The following DEFA3 variants were observed in gnomAD, a reference collection of about 807,000 sequenced individuals.
DEFA3 encodes the protein neutrophil defensin 3.
For missense variants in DEFA3, 8 were observed against 128.1 expected (o/e 0.06, Z 4.53); for synonymous variants, 3 against 47.2 (o/e 0.06, Z 3.84).
intron 1 of DEFA3, among the ~76,000 whole-genome samples, chr8:7,017,858 G>A (rs1811043919): frequency 6.6e-6 from 1 of 152,218 alleles, no homozygotes; most frequent in Non-Finnish European, 1.5e-5. Flanking sequence ...CATGGCAGAA[G>A]GGGCAAATAT....
intron 2 of DEFA3, among the ~76,000 whole-genome samples, chr8:7,016,348 C>T (rs551423042): frequency 3.2e-3 from 482 of 150,022 alleles, no homozygotes; most frequent in Non-Finnish European, 4.7e-3. Context: ...TACCCTCAGG[C>T]TTGGCTGCAG....
rs759948149 is a variant in DEFA3 at position 7,016,030 on chromosome 8, G to A, written c.245C>T (p.Thr82Ile). 14 of 1,526,462 alleles carry A rather than the reference G, an allele frequency of 9.2e-6. No homozygotes were observed. Among genetic ancestry groups the A allele is most frequent in the South Asian group, 4.6e-5 (4 of 87,708 alleles). 94.6% of individuals were successfully genotyped at this position (1,526,462 alleles called of 1,614,324 possible). A position where few individuals can be genotyped will look rare whatever the true frequency, so the allele number is the denominator to read the frequency against. ...CCAGAGTCTTCCCTGGTAGATGCAG[G>A]TTCCATAGCGACGTTCTCCTGCAAT... is the stretch of plus-strand genomic sequence containing the variant. ...ACIAGERRYG[T>I]CIYQGRLWAF... Residue 82 changes from threonine to isoleucine, a missense_variant, in exon 3 of 3, where the codon ACC becomes ATC. Transcript: ENST00000327857.
intron 1 of DEFA3, among the ~76,000 whole-genome samples, chr8:7,017,787 G>C (rs1164908284): frequency 6.6e-6 from 1 of 151,908 alleles, no homozygotes; most frequent in Non-Finnish European, 1.5e-5. Context: ...CACAGCAAAG[G>C]AAACAATCAA....
Position 7,016,038 on chromosome 8 carries a change from G to A in DEFA3, c.237C>T (p.Arg79=). The A allele has an allele frequency of 1.3e-6, 2 of 1,514,990 alleles. No homozygotes were observed. The highest frequency in any genetic ancestry group is 1.8e-6 in the Non-Finnish European group (2 of 1,104,994). The allele number at this position is 1,514,990 out of a possible 1,614,324, so 93.8% of individuals were successfully genotyped here. A position where few individuals can be genotyped will look rare whatever the true frequency, so the allele number is the denominator to read the frequency against. Residue 79 remains arginine (R), a synonymous_variant, in exon 3 of 3, where the codon CGC becomes CGT. Coordinates refer to ENST00000327857, the MANE Select transcript of DEFA3 (RefSeq NM_005217.4). Reference sequence around the variant, plus strand: ...TTCCCTGGTAGATGCAGGTTCCATAGCGACGTTCTCCTGCAATGCACGCTG... The same window carrying A: ...TTCCCTGGTAGATGCAGGTTCCATAACGACGTTCTCCTGCAATGCACGCTG... ...RIPACIAGER[R]YGTCIYQGRL... is the part of the protein sequence containing the mutation.
At chr8:7,017,932 A>C (rs867149889) in intron 1 of DEFA3, among the ~76,000 whole-genome samples, 145 of 151,940 alleles carry the variant, frequency 9.5e-4, no homozygotes, top group Middle Eastern at 6.8e-3. Flanking sequence ...TGAAAGACAG[A>C]CCAAGGACCT....
At chr8:7,016,344 C>T (rs200403946) in intron 2 of DEFA3, among the ~76,000 whole-genome samples, 1,825 of 139,316 alleles carry the variant, frequency 0.013, no homozygotes, top group Admixed American at 0.027. Context: ...AACATACCCT[C>T]AGGCTTGGCT....
intron 2 of DEFA3, among the ~76,000 whole-genome samples, chr8:7,016,463 A>G (rs1310176694): frequency 2.0e-5 from 3 of 146,542 alleles, no homozygotes; most frequent in African/African-American, 7.8e-5. Context: ...AAACTTAGTG[A>G]ATTTCACAGA....
rs1463434708 is a variant in DEFA3, at chr8:7,018,233, C to A, written c.-24G>T. On this transcript the variant is annotated 5_prime_UTR_variant, in exon 1 of 3. Coordinates refer to ENST00000327857, the MANE Select transcript of DEFA3 (RefSeq NM_005217.4). The stretch of plus-strand genomic sequence containing the variant: ...TTTGTAGTACTTACAGATCCTCTAG[C>A]TAGGCAGGGTGACCAGAGAGGGCAG... 6.7e-6 allele frequency: 1 copy of A among 149,742 alleles called. No individual in the cohort carries two copies. Among genetic ancestry groups the A allele is most frequent in the Non-Finnish European group, 1.5e-5 (1 of 67,582 alleles). The allele number at this position is 149,742 out of a possible 1,614,324, so 9.3% of individuals were successfully genotyped here.
chr8:7,017,933 C>T (rs1228599628), intron 1 of DEFA3, among the ~76,000 whole-genome samples: 1 of 152,200 alleles, frequency 6.6e-6, no homozygotes, highest in Non-Finnish European at 1.5e-5. Context: ...GAAAGACAGA[C>T]CAAGGACCTA....
intron 2 of DEFA3, 111 bp downstream of exon 2, chr8:7,016,565 A>C: frequency 9.7e-7 from 1 of 1,028,876 alleles, no homozygotes; most frequent in Non-Finnish European, 1.4e-6. Context: ...CAATGCCCAG[A>C]GATTCTAAGT....
At chr8:7,016,305 G>T (rs1273611308) in intron 2 of DEFA3, among the ~76,000 whole-genome samples, 3 of 152,060 alleles carry the variant, frequency 2.0e-5, no homozygotes, top group Non-Finnish European at 4.4e-5. Flanking sequence ...TCTCATTTTT[G>T]CATTCCTGCC....
chr8:7,016,397 A>T (rs1354874469), intron 2 of DEFA3, among the ~76,000 whole-genome samples: 96 of 130,234 alleles, frequency 7.4e-4, no homozygotes, highest in African/African-American at 3.2e-3. Flanking sequence ...TGTTCTCTTT[A>T]CAACTAAGTC....
intron 1 of DEFA3, among the ~76,000 whole-genome samples, chr8:7,017,943 A>G (rs554019350): frequency 2.5e-3 from 374 of 152,308 alleles, no homozygotes; most frequent in Non-Finnish European, 4.1e-3. Flanking sequence ...CCAAGGACCT[A>G]AATAGGTTTC....
chr8:7,018,160 G>A (rs1353167132), intron 1 of DEFA3, 62 bp downstream of exon 1: 1 of 150,774 alleles, frequency 6.6e-6, no homozygotes, highest in African/African-American at 2.5e-5. Context: ...TCAGAGGTCA[G>A]ATTGGAGGCA....
chr8:7,017,183 A>AAT (rs1811011209), intron 1 of DEFA3, among the ~76,000 whole-genome samples: 1 of 121,342 alleles, frequency 8.2e-6, no homozygotes, highest in Non-Finnish European at 2.0e-5. Context: ...AAAGAATAGA[A>AAT]ATTGCACTTT....
intron 2 of DEFA3, among the ~76,000 whole-genome samples, 189 bp downstream of exon 2, chr8:7,016,487 C>G (rs1415281538): frequency 8.1e-4 from 120 of 147,714 alleles, no homozygotes; most frequent in Middle Eastern, 3.5e-3. Context: ...TTCTTGGAAT[C>G]AAGTCTTTGG....
intron 2 of DEFA3, among the ~76,000 whole-genome samples, chr8:7,016,469 A>C (rs868499598): frequency 7.4e-4 from 108 of 145,794 alleles, no homozygotes; most frequent in African/African-American, 2.6e-3. Flanking sequence ...AGTGAATTTC[A>C]CAGATGTTTC....
intron 2 of DEFA3, among the ~76,000 whole-genome samples, chr8:7,016,368 G>T (rs1810970931): frequency 2.2e-5 from 2 of 88,950 alleles, no homozygotes; most frequent in East Asian, 2.5e-4. Context: ...GTTTTTAAAA[G>T]CTCTTCTGTA....
At chr8:7,018,043 C>G (rs944235634) in intron 1 of DEFA3, among the ~76,000 whole-genome samples, 179 bp downstream of exon 1, 1 of 150,798 alleles carries the variant, frequency 6.6e-6, no homozygotes, top group African/African-American at 2.5e-5. Context: ...GCTTGAGTTT[C>G]TCTATTAAGT....
Sources: allele counts gnomAD v4.1 joint callset (sites outside exome capture counted in the v4.1 genomes callset), GRCh38; gene constraint gnomAD v4.1.1; transcripts MANE v1.5; gene names NCBI Gene and HGNC (gene_info 2026-07-23, HGNC 2026-07-21).